NOD1: variants seen among roughly 807,000 people sequenced by gnomAD.
The protein encoded by NOD1 is nucleotide binding oligomerization domain containing 1, also known as nucleotide-binding oligomerization domain-containing protein 1.
In NOD1, 70 loss-of-function variants were observed where a neutral mutation model predicts 81.2. That is an observed-to-expected ratio of 0.86 (90% CI 0.71 to 1.05). The LOEUF is 1.05. NOD1 is among the 50% of genes least tolerant of loss of function. The pLI, the probability that NOD1 is intolerant of heterozygous loss-of-function variation, is 0.00. For missense variants in NOD1, 1,233 were observed against 1,228.0 expected, an observed-to-expected ratio of 1.00 and a Z score of -0.06; for synonymous variants, 508 against 526.9, an observed-to-expected ratio of 0.96 and a Z score of 0.49.
chr7:30,432,340 TAA>T (rs1418315898), intron 12 of NOD1, among the ~76,000 whole-genome samples: 1 of 152,044 alleles, frequency 6.6e-6, no homozygotes. Flanking sequence ...AGTAGGCACA[TAA>T]AAAGACATTC....
At chr7:30,472,716 T>C (rs1788397974) in intron 1 of NOD1, among the ~76,000 whole-genome samples, 1 of 152,220 alleles carries the variant, frequency 6.6e-6, no homozygotes, top group Non-Finnish European at 1.5e-5. Context: ...ATGAGAAACC[T>C]CTTTCACAAA....
At chr7:30,455,365 C>T in intron 4 of NOD1, 54 bp from the exon 5 acceptor site, 4 of 1,462,490 alleles carry the variant, frequency 2.7e-6, no homozygotes, top group South Asian at 1.2e-5. Flanking sequence ...CATCCTCCTA[C>T]CATAAGGACC....
Position 30,448,476 on chromosome 7 carries a change from G to C in NOD1, c.2202-95C>G, listed in dbSNP as rs1298511945. The C allele has an allele frequency of 1.4e-5, 15 of 1,083,602 alleles. No individual in the cohort carries two copies. In the Admixed American group the frequency reaches 2.6e-4, roughly 19 times the overall value. 67.1% of individuals were successfully genotyped at this position (1,083,602 alleles called of 1,614,324 possible). A position where few individuals can be genotyped will look rare whatever the true frequency, so the allele number is the denominator to read the frequency against. On this transcript the variant is annotated intron_variant, in intron 6 of 13. Coordinates refer to ENST00000222823, the MANE Select transcript of NOD1 (RefSeq NM_006092.4). The stretch of plus-strand genomic sequence containing the variant: ...AAGATCCAGAAGCCTTCAGGCCCTG[G>C]AGTTTTCTCAGGTATAGACGCCCCT...
At chr7:30,454,775 G>C (rs1786165108) in intron 5 of NOD1, among the ~76,000 whole-genome samples, 1 of 152,100 alleles carries the variant, frequency 6.6e-6, no homozygotes, top group Non-Finnish European at 1.5e-5. Context: ...TGGAACTACA[G>C]GTGTGTGCTA....
chr7:30,468,701 A>G (rs1787958457), intron 1 of NOD1: 4 of 423,300 alleles, frequency 9.4e-6, no homozygotes, highest in Non-Finnish European at 1.3e-5. Context: ...TGTCAATTAG[A>G]GTGGGCTCCA....
In NOD1 at chr7:30,452,587, T is replaced by A; in HGVS notation, c.830A>T (p.His277Leu). 6.2e-7 allele frequency: 1 copy of A among 1,613,342 alleles called. No homozygotes were observed. The highest frequency in any genetic ancestry group is 8.5e-7 in the Non-Finnish European group (1 of 1,179,966). The stretch of plus-strand genomic sequence containing the variant: ...GCCATCGAAGGTGAAGAGGGCCACG[T>A]GGGGGAAGCGCAGCAGGAAGGCAAA... ...EVFAFLLRFP[H>L]VALFTFDGLD... is the part of the protein sequence containing the mutation. Residue 277 changes from histidine to leucine, a missense_variant, in exon 6 of 14, where the codon CAC becomes CTC. Coordinates refer to ENST00000222823, the MANE Select transcript of NOD1 (RefSeq NM_006092.4).
chr7:30,425,498 G>C lies in NOD1; in HGVS notation c.*140C>G. 1.5e-6 allele frequency: 1 copy of C among 680,216 alleles called. No individual in the cohort carries two copies. The highest frequency in any genetic ancestry group is 2.7e-6 in the Non-Finnish European group (1 of 373,696). 42.1% of individuals were successfully genotyped at this position (680,216 alleles called of 1,614,324 possible). On this transcript the variant is annotated 3_prime_UTR_variant, in exon 14 of 14. Coordinates refer to ENST00000222823, the MANE Select transcript of NOD1 (RefSeq NM_006092.4). ...ACCAGACCTTCTGCACAGGAAGCTG[G>C]CTTGCATCATGGAGGCAGTGGACTC...
intron 13 of NOD1, 57 bp downstream of exon 13, chr7:30,429,317 G>A: frequency 7.1e-7 from 1 of 1,410,848 alleles, no homozygotes; most frequent in Non-Finnish European, 1.0e-6. Flanking sequence ...TGCACAGTCA[G>A]TGGTGGTGAG....
In NOD1 at chr7:30,437,666, G is replaced by C; in HGVS notation, c.2454-10C>G. On this transcript the variant is annotated splice_polypyrimidine_tract_variant and intron_variant, in intron 9 of 13. Coordinates refer to ENST00000222823, the MANE Select transcript of NOD1 (RefSeq NM_006092.4). ...TTGATTGCCCCACATCCTGAGGGAGGAGACAAGATAGTGAATGTTAGCTCC... is the reference window on the plus strand; with the variant it reads ...TTGATTGCCCCACATCCTGAGGGAGCAGACAAGATAGTGAATGTTAGCTCC... The C allele has an allele frequency of 6.6e-7, 1 of 1,507,416 alleles. No homozygotes were observed. The highest frequency in any genetic ancestry group is 8.8e-7 in the Non-Finnish European group (1 of 1,136,794). 93.4% of individuals were successfully genotyped at this position (1,507,416 alleles called of 1,614,324 possible).
chr7:30,461,887 T>C (rs1267349221), intron 1 of NOD1, among the ~76,000 whole-genome samples: 1 of 152,190 alleles, frequency 6.6e-6, no homozygotes, highest in Non-Finnish European at 1.5e-5. Flanking sequence ...TACAGGCACC[T>C]GCCACCATGC....
chr7:30,450,628 G>C (rs1206595250), intron 6 of NOD1, among the ~76,000 whole-genome samples: 2 of 152,216 alleles, frequency 1.3e-5, no homozygotes, highest in Admixed American at 6.5e-5. Flanking sequence ...AAAGTCACCA[G>C]TGCCAACTGG....
In NOD1 at chr7:30,446,232, G is replaced by A; in HGVS notation, c.2370-8C>T. Reference sequence around the variant, plus strand: ...ATTTTGTTTTTTCCCAGTCTGCAGAGAGAGTCACACACAGTCAGCCTCCAG... The same window carrying A: ...ATTTTGTTTTTTCCCAGTCTGCAGAAAGAGTCACACACAGTCAGCCTCCAG... On this transcript the variant is annotated splice_region_variant and splice_polypyrimidine_tract_variant and intron_variant, in intron 8 of 13. Transcript: ENST00000222823. 6.2e-7 allele frequency: 1 copy of A among 1,610,894 alleles called. No homozygotes were observed. Among genetic ancestry groups the A allele is most frequent in the Non-Finnish European group, 8.5e-7 (1 of 1,177,076 alleles).
rs933410966 is a variant in NOD1, at chr7:30,425,582, T to G, written c.*56A>C. The G allele has an allele frequency of 1.6e-6, 2 of 1,259,504 alleles. No individual in the cohort carries two copies. The highest frequency in any genetic ancestry group is 1.5e-5 in the African/African-American group (1 of 68,014). 78.0% of individuals were successfully genotyped at this position (1,259,504 alleles called of 1,614,324 possible). On this transcript the variant is annotated 3_prime_UTR_variant, in exon 14 of 14. Coordinates refer to ENST00000222823, the MANE Select transcript of NOD1 (RefSeq NM_006092.4). Reference sequence around the variant, plus strand: ...CACTGACACAAAAGACTGCCCAGAGTGGCATTTGCTGCTGAGGCTCCAGGG... The same window carrying G: ...CACTGACACAAAAGACTGCCCAGAGGGGCATTTGCTGCTGAGGCTCCAGGG...
chr7:30,471,650 G>A (rs1472782630), intron 1 of NOD1, among the ~76,000 whole-genome samples: 1 of 152,260 alleles, frequency 6.6e-6, no homozygotes, highest in Admixed American at 6.5e-5. Flanking sequence ...GCTAGGCGGA[G>A]CAGAACAGAC....
intron 3 of NOD1, among the ~76,000 whole-genome samples, chr7:30,458,802 T>A (rs1438077045): frequency 2.0e-5 from 3 of 149,974 alleles, no homozygotes; most frequent in Non-Finnish European, 4.4e-5. Flanking sequence ...AGTGGCACAA[T>A]CTCGGCTCAC....
Position 30,456,756 on chromosome 7 carries a change from CCGCATCTT to C in NOD1, c.158_165del (p.Glu53GlyfsTer11), listed in dbSNP as rs1378292453. The C allele has an allele frequency of 6.2e-7, 1 of 1,614,164 alleles. No individual in the cohort carries two copies. The highest frequency in any genetic ancestry group is 1.7e-5 in the Admixed American group (1 of 60,030). On this transcript the variant is annotated frameshift_variant, in exon 4 of 14. Transcript: ENST00000222823. LOFTEE classifies it high-confidence loss of function. ...TGGGTGGGGCAGGCACACACAATCT[CCGCATCTT>C]CGGCCGAGAAGTAGTCATTCTTCAG...
intron 1 of NOD1, among the ~76,000 whole-genome samples, chr7:30,473,780 G>C (rs367979352): frequency 1.3e-5 from 2 of 152,146 alleles, no homozygotes; most frequent in African/African-American, 4.8e-5. Context: ...GAATAAGCAG[G>C]GGTGGGGGTA....
Position 30,447,497 on chromosome 7 carries a change from A to G in NOD1, c.2286-447T>C, listed in dbSNP as rs533518405. The G allele has an allele frequency of 2.1e-5, 5 of 233,492 alleles. No homozygotes were observed. In the East Asian group the frequency reaches 3.5e-4, roughly 17 times the overall value. 14.5% of individuals were successfully genotyped at this position (233,492 alleles called of 1,614,324 possible). The stretch of plus-strand genomic sequence containing the variant: ...TACCTTTCAGCCATCTCACCGCTCA[A>G]TGCCAATTCAATAGTACAGCAGATG... On this transcript the variant is annotated intron_variant, in intron 7 of 13. Transcript: ENST00000222823.
chr7:30,432,987 C>T (rs1784072075), intron 12 of NOD1, 109 bp downstream of exon 12: 1 of 815,292 alleles, frequency 1.2e-6, no homozygotes, highest in African/African-American at 1.7e-5. Context: ...CACTAAAAAC[C>T]TCTGAATTGT....
Sources: gnomAD v4.1 joint callset for allele counts (sites outside exome capture counted in the v4.1 genomes callset) on GRCh38, gnomAD v4.1.1 for gene constraint, MANE v1.5 for transcripts, NCBI Gene and HGNC (gene_info 2026-07-23, HGNC 2026-07-21) for gene names.